Variants in CA8 observed in about 807,000 individuals in gnomAD.
CA8 encodes carbonic anhydrase 8 (inactive), also known as carbonic anhydrase-related protein.
A neutral mutation model predicts 41.4 loss-of-function variants in CA8; 22 were observed. That is an observed-to-expected ratio of 0.53 (90% CI 0.38 to 0.76). The LOEUF (loss-of-function observed/expected upper bound fraction) is 0.76, where lower values mean the gene tolerates loss of function less well. Ranked by LOEUF, CA8 falls within the 30% of genes least tolerant of loss-of-function variation. The probability of loss-of-function intolerance (pLI) is 0.00; values close to 1 mark genes in which losing one functional copy is unlikely to be tolerated. For synonymous variants in CA8, 121 were observed against 130.6 expected (o/e 0.93, Z 0.50); for missense variants, 270 against 352.8 (o/e 0.77, Z 1.88).
At chr8:60,218,665 T>C (rs1807115819) in intron 7 of CA8, among the ~76,000 whole-genome samples, 1 of 152,230 alleles carries the variant, frequency 6.6e-6, no homozygotes, top group Non-Finnish European at 1.5e-5. Flanking sequence ...TGCTGTATGT[T>C]AAGCCTTGGG....
intron 3 of CA8, 121 bp downstream of exon 3, chr8:60,265,804 T>A (rs1233536247): frequency 3.4e-5 from 38 of 1,120,338 alleles, no homozygotes; most frequent in Non-Finnish European, 4.8e-5. Context: ...TTTTAAATTT[T>A]AGTATAAACT....
At chr8:60,218,261 C>T (rs936423318) in intron 7 of CA8, among the ~76,000 whole-genome samples, 1 of 152,100 alleles carries the variant, frequency 6.6e-6, no homozygotes, top group African/African-American at 2.4e-5. Context: ...TACCTCAAGA[C>T]TACGTCCATA....
chr8:60,215,751 T>C (rs1457593355), intron 7 of CA8, among the ~76,000 whole-genome samples: 1 of 152,126 alleles, frequency 6.6e-6, no homozygotes, highest in African/African-American at 2.4e-5. Context: ...TTCCTATTAA[T>C]AGTACTCAGG....
intron 8 of CA8, among the ~76,000 whole-genome samples, chr8:60,199,172 T>C (rs1806357183): frequency 6.6e-6 from 1 of 152,180 alleles, no homozygotes; most frequent in Non-Finnish European, 1.5e-5. Context: ...AAAATAGTAT[T>C]CCAACTCAGT....
intron 8 of CA8, among the ~76,000 whole-genome samples, chr8:60,204,560 T>C (rs182195133): frequency 3.3e-5 from 5 of 152,354 alleles, no homozygotes; most frequent in South Asian, 4.1e-4. Flanking sequence ...TATTTTTCAT[T>C]GGTGGGTTAA....
intron 7 of CA8, among the ~76,000 whole-genome samples, chr8:60,213,163 A>C (rs968098993): frequency 6.6e-6 from 1 of 151,836 alleles, no homozygotes; most frequent in Non-Finnish European, 1.5e-5. Context: ...TCATAAACCA[A>C]CTCTCACTCT....
Position 60,185,960 on chromosome 8 carries a change from G to A in CA8, c.*4061C>T, listed in dbSNP as rs1262581934. The stretch of plus-strand genomic sequence containing the variant: ...ATTGTATAAAATATCATGTAATTAT[G>A]CTTTAGACCCAGAACATATACAAAT... On this transcript the variant is annotated 3_prime_UTR_variant, in exon 9 of 9. Transcript: ENST00000317995. Among the ~76,000 whole-genome samples, 1 of 151,924 alleles carries A rather than the reference G, an allele frequency of 6.6e-6. No homozygotes were observed. Among genetic ancestry groups the A allele is most frequent in the Non-Finnish European group, 1.5e-5 (1 of 67,944 alleles).
At chr8:60,274,612 G>C (rs536595726) in intron 2 of CA8, among the ~76,000 whole-genome samples, 37 of 152,164 alleles carry the variant, frequency 2.4e-4, no homozygotes, top group Admixed American at 5.9e-4. Context: ...AATGGGATGA[G>C]GCTCTTATAA....
intron 7 of CA8, 55 bp from the exon 8 acceptor site, chr8:60,208,974 T>C (rs940446619): frequency 7.0e-6 from 11 of 1,571,966 alleles, no homozygotes; most frequent in East Asian, 6.7e-5. Context: ...ATTAACAAGA[T>C]TGGAGTTTCA....
At chr8:60,244,502 TAAC>T (rs1808152328) in intron 3 of CA8, among the ~76,000 whole-genome samples, 2 of 152,226 alleles carry the variant, frequency 1.3e-5, no homozygotes, top group African/African-American at 4.8e-5. Flanking sequence ...GTGTTGGTGA[TAAC>T]AATTAGAGTA....
At chr8:60,195,516 T>C (rs569595588) in intron 8 of CA8, among the ~76,000 whole-genome samples, 18 of 152,320 alleles carry the variant, frequency 1.2e-4, no homozygotes, top group Admixed American at 3.9e-4. Flanking sequence ...TAATTCAGTG[T>C]AACATCTCCA....
intron 7 of CA8, among the ~76,000 whole-genome samples, chr8:60,212,209 A>C (rs1253649476): frequency 1.3e-5 from 2 of 152,186 alleles, no homozygotes; most frequent in African/African-American, 2.4e-5. Context: ...ACTGCCTCAA[A>C]AACCAAATTA....
intron 8 of CA8, among the ~76,000 whole-genome samples, chr8:60,191,251 G>C (rs115855256): frequency 0.019 from 2,855 of 151,452 alleles, 39 homozygotes; most frequent in Middle Eastern, 0.048. Context: ...TGGCTAAATC[G>C]AGCTAATTAG....
At chr8:60,202,252 CCATGTTAGCCAGGAT>C (rs1806455046) in intron 8 of CA8, among the ~76,000 whole-genome samples, 2 of 150,762 alleles carry the variant, frequency 1.3e-5, no homozygotes, top group South Asian at 4.2e-4. Context: ...TGGGGTTTCA[CCATGTTAGCCAGGAT>C]GCTCTTATCT....
At chr8:60,271,804 G>A (rs1012038345) in intron 2 of CA8, among the ~76,000 whole-genome samples, 4 of 152,110 alleles carry the variant, frequency 2.6e-5, no homozygotes. Flanking sequence ...AAGCCACTCA[G>A]GCTAGAAATC....
At chr8:60,265,800 A>G in intron 3 of CA8, 125 bp downstream of exon 3, 2 of 1,102,394 alleles carry the variant, frequency 1.8e-6, no homozygotes, top group South Asian at 1.4e-5. Flanking sequence ...CATTTTTTAA[A>G]TTTTAGTATA....
intron 8 of CA8, among the ~76,000 whole-genome samples, chr8:60,198,340 C>A (rs979323233): frequency 6.6e-6 from 1 of 152,256 alleles, no homozygotes; most frequent in Admixed American, 6.5e-5. Context: ...AGCAGTTGTT[C>A]TTTTTGTTCC....
intron 2 of CA8, among the ~76,000 whole-genome samples, chr8:60,270,766 C>T (rs936748789): frequency 1.3e-5 from 2 of 152,168 alleles, no homozygotes; most frequent in Non-Finnish European, 2.9e-5. Context: ...CTCAAAGTAA[C>T]TTTTAAGAAA....
chr8:60,238,999 A>G, intron 3 of CA8, among the ~76,000 whole-genome samples: 1 of 152,190 alleles, frequency 6.6e-6, no homozygotes, highest in Non-Finnish European at 1.5e-5. Flanking sequence ...AGAGACAGAG[A>G]ACTTCAACCA....
Sources: gnomAD v4.1 joint callset for allele counts (sites outside exome capture counted in the v4.1 genomes callset) on GRCh38, gnomAD v4.1.1 for gene constraint, MANE v1.5 for transcripts, NCBI Gene and HGNC (gene_info 2026-07-23, HGNC 2026-07-21) for gene names.